Variants in TNRC18 observed in about 807,000 individuals in gnomAD.
TNRC18 encodes the protein trinucleotide repeat containing 18, also known as trinucleotide repeat-containing gene 18 protein.
Under a neutral mutation model 226.7 loss-of-function variants are expected in TNRC18, and 69 were observed. That is an observed-to-expected ratio of 0.30 (90% CI 0.25 to 0.37). The LOEUF (loss-of-function observed/expected upper bound fraction) is 0.37, where lower values mean the gene tolerates loss of function less well. Ranked by LOEUF, TNRC18 falls within the 10% of genes least tolerant of loss-of-function variation. The pLI is 1.00. For synonymous variants in TNRC18, 2,449 were observed against 1,927.6 expected, an observed-to-expected ratio of 1.27 and a Z score of -7.09; for missense variants, 4,754 against 4,256.6, an observed-to-expected ratio of 1.12 and a Z score of -3.25.
At chr7:5,334,509 G>C (rs949878734) in intron 18 of TNRC18, among the ~76,000 whole-genome samples, 1 of 151,050 alleles carries the variant, frequency 6.6e-6, no homozygotes, top group African/African-American at 2.4e-5. Flanking sequence ...GTGTTAGGCA[G>C]GCTGGTCTCG....
Position 5,387,843 on chromosome 7 carries a change from C to T in TNRC18, c.1981G>A (p.Ala661Thr), listed in dbSNP as rs1250780966. The stretch of plus-strand genomic sequence containing the variant: ...GAGCCCTCGCGCCCGAAAGCTTTGG[C>T]GCTCTCGGGCCTCTCGGGGTCCCGC... ...LKRDPERPESAKAFGREGSGA... is the reference protein window; with the variant it reads ...LKRDPERPESTKAFGREGSGA... Residue 661 changes from alanine (A) to threonine (T), a missense_variant, in exon 5 of 30, where the codon GCC (alanine) becomes ACC (threonine). Transcript: ENST00000430969. The T allele has an allele frequency of 1.2e-5, 20 of 1,604,074 alleles. No individual in the cohort carries two copies. The highest frequency in any genetic ancestry group is 1.7e-5 in the Non-Finnish European group (20 of 1,178,218).
intron 5 of TNRC18, among the ~76,000 whole-genome samples, chr7:5,385,615 C>T (rs1779716226): frequency 6.6e-6 from 1 of 151,190 alleles, no homozygotes; most frequent in South Asian, 2.1e-4. Context: ...ACCCAGGAGG[C>T]GGAGGTTGCA....
intron 19 of TNRC18, among the ~76,000 whole-genome samples, chr7:5,328,134 C>T (rs1285533989): frequency 6.6e-6 from 1 of 152,170 alleles, no homozygotes; most frequent in Non-Finnish European, 1.5e-5. Context: ...AAGAGAATCA[C>T]TTGAACCCGG....
intron 1 of TNRC18, among the ~76,000 whole-genome samples, chr7:5,422,422 C>A (rs972162458): frequency 1.3e-5 from 2 of 151,350 alleles, no homozygotes; most frequent in African/African-American, 4.9e-5. Context: ...TTGGGTAAAT[C>A]CCCCTGTAGT....
chr7:5,378,933 C>T (rs1194894167), intron 5 of TNRC18, among the ~76,000 whole-genome samples: 1 of 150,706 alleles, frequency 6.6e-6, no homozygotes, highest in Non-Finnish European at 1.5e-5. Context: ...ACCTGTAATC[C>T]CAGCACTTTG....
At chr7:5,420,285 TC>T (rs36076798) in intron 2 of TNRC18, 2 of 426,278 alleles carry the variant, frequency 4.7e-6, no homozygotes, top group East Asian at 7.2e-5. Flanking sequence ...CCCAGGGTTT[TC>T]CCCTCCGCCG....
intron 2 of TNRC18, among the ~76,000 whole-genome samples, chr7:5,418,710 G>A (rs558512199): frequency 6.6e-6 from 1 of 152,360 alleles, no homozygotes; most frequent in South Asian, 2.1e-4. Context: ...GACAGCCAAG[G>A]AAGAGAGGGA....
chr7:5,314,595 G>A (rs1354165899), intron 26 of TNRC18, among the ~76,000 whole-genome samples: 1 of 117,668 alleles, frequency 8.5e-6, no homozygotes, highest in South Asian at 2.7e-4. Flanking sequence ...TTTTTGAGAT[G>A]GAATTTCGCT....
At chr7:5,317,101 T>C (rs1385003653) in intron 24 of TNRC18, among the ~76,000 whole-genome samples, 1 of 152,142 alleles carries the variant, frequency 6.6e-6, no homozygotes, top group Non-Finnish European at 1.5e-5. Flanking sequence ...TCTTGCAGAA[T>C]CTGGGCAGCC....
In TNRC18 at chr7:5,399,104, C is replaced by T. The variant is rs191881973; in HGVS notation, c.188-4509G>A. 2.0e-3 allele frequency among the ~76,000 whole-genome samples: 304 copies of T among 152,328 alleles called. 2 individuals carry two copies. Among genetic ancestry groups the T allele is most frequent in the African/African-American group, 6.9e-3 (285 of 41,564 alleles). On this transcript the variant is annotated intron_variant, in intron 2 of 29. Coordinates refer to ENST00000430969, the MANE Select transcript of TNRC18 (RefSeq NM_001080495.3). ...ATCTCTAGACTATACTCCAAGCCCC[C>T]ACAGTGCCCCCCTGCCCCACCCACT...
intron 19 of TNRC18, among the ~76,000 whole-genome samples, chr7:5,326,934 C>T (rs1326079848): frequency 6.6e-6 from 1 of 151,478 alleles, no homozygotes; most frequent in African/African-American, 2.4e-5. Flanking sequence ...ACCATCCTGG[C>T]TAACACGGTG....
rs1787793265 is a variant in TNRC18, at chr7:5,315,832, C to A, written c.6862+124G>T. On this transcript the variant is annotated intron_variant, in intron 25 of 29. Transcript: ENST00000430969. ...TCTCACGGGAGCCCACCCATGGCTT[C>A]TGCTGCTTCCATCACCTGTGGCTCC... The A allele has an allele frequency of 3.1e-5, 21 of 680,588 alleles. No individual in the cohort carries two copies. The South Asian group carries it at 4.8e-4, about 16-fold the overall frequency. 42.2% of individuals were successfully genotyped at this position (680,588 alleles called of 1,614,324 possible).
chr7:5,345,528 C>CCA, intron 18 of TNRC18, 34 bp downstream of exon 18: 1 of 534,160 alleles, frequency 1.9e-6, no homozygotes, highest in Non-Finnish European at 2.7e-6. Flanking sequence ...CCCCTCCCAC[C>CCA]CACCCCCACC....
chr7:5,369,796 T>C (rs1037186714), intron 11 of TNRC18, among the ~76,000 whole-genome samples: 1 of 152,158 alleles, frequency 6.6e-6, no homozygotes, highest in Non-Finnish European at 1.5e-5. Context: ...CAAGAAATCC[T>C]GCTAAAACAC....
chr7:5,378,077 G>T, intron 5 of TNRC18, 53 bp from the exon 6 acceptor site: 2 of 1,509,478 alleles, frequency 1.3e-6, no homozygotes, highest in South Asian at 1.1e-5. Context: ...GCCCATCCCA[G>T]ACCCATTGGC....
intron 11 of TNRC18, among the ~76,000 whole-genome samples, chr7:5,369,014 C>T (rs1245918396): frequency 6.6e-6 from 1 of 152,130 alleles, no homozygotes; most frequent in Non-Finnish European, 1.5e-5. Flanking sequence ...TAATGATCAG[C>T]GCAGCCCATG....
At chr7:5,364,462 A>ACACACACAC (rs778462099) in intron 11 of TNRC18, among the ~76,000 whole-genome samples, 1 of 116,636 alleles carries the variant, frequency 8.6e-6, no homozygotes, top group Non-Finnish European at 1.8e-5. Context: ...TCTCAAAGAA[A>ACACACACAC]ACACACACAC....
chr7:5,373,954 T>G, intron 10 of TNRC18, 101 bp downstream of exon 10: 2 of 938,862 alleles, frequency 2.1e-6, no homozygotes, highest in African/African-American at 1.7e-5. Context: ...TCCGTGGAGG[T>G]GGAATGAACG....
intron 2 of TNRC18, among the ~76,000 whole-genome samples, chr7:5,399,966 T>C (rs1352509325): frequency 6.6e-6 from 1 of 151,508 alleles, no homozygotes; most frequent in Admixed American, 6.6e-5. Context: ...CATGACTCAC[T>C]GCAGCCTCAA....
Sources: allele counts gnomAD v4.1 joint callset (sites outside exome capture counted in the v4.1 genomes callset), GRCh38; gene constraint gnomAD v4.1.1; transcripts MANE v1.5; gene names NCBI Gene and HGNC (gene_info 2026-07-23, HGNC 2026-07-21).